The following UGT1A10 variants were observed in gnomAD, a reference collection of about 807,000 sequenced individuals.
UGT1A10 encodes the protein UDP-glucuronosyltransferase 1A10.
Under a neutral mutation model 45.8 loss-of-function variants are expected in UGT1A10, and 49 were observed. That is an observed-to-expected ratio of 1.07 (90% CI 0.85 to 1.36). The LOEUF (loss-of-function observed/expected upper bound fraction) is 1.36, where lower values mean the gene tolerates loss of function less well. Among genes scored for constraint, UGT1A10 ranks in the 40% most tolerant of loss-of-function variants. The pLI, the probability that UGT1A10 is intolerant of heterozygous loss-of-function variation, is 0.00. For synonymous variants in UGT1A10, 284 were observed against 249.7 expected, an observed-to-expected ratio of 1.14 and a Z score of -1.29; for missense variants, 745 against 668.6, an observed-to-expected ratio of 1.11 and a Z score of -1.26.
intron 1 of UGT1A10, chr2:233,729,375 G>C: frequency 6.2e-7 from 1 of 1,614,010 alleles, no homozygotes; most frequent in Non-Finnish European, 8.5e-7. Context: ...ATGCCATTTC[G>C]TGGACCCAGG....
chr2:233,735,275 T>G (rs968370538), intron 1 of UGT1A10, among the ~76,000 whole-genome samples: 2 of 152,218 alleles, frequency 1.3e-5, no homozygotes, highest in Non-Finnish European at 2.9e-5. Context: ...GTAATGGCCT[T>G]CTTTGTCTCT....
At chr2:233,652,783 GATGCACCCTTAT>G (rs2125478187) in intron 1 of UGT1A10, among the ~76,000 whole-genome samples, 1 of 152,298 alleles carries the variant, frequency 6.6e-6, no homozygotes, top group South Asian at 2.1e-4. Context: ...AAAGAATGAA[GATGCACCCTTAT>G]ATGCAAAAAC....
chr2:233,704,584 A>G (rs1284227001), intron 1 of UGT1A10, among the ~76,000 whole-genome samples: 1 of 152,162 alleles, frequency 6.6e-6, no homozygotes, highest in Non-Finnish European at 1.5e-5. Context: ...CAAGAATCAG[A>G]GAGAAGAAAG....
intron 1 of UGT1A10, chr2:233,682,690 G>T: frequency 3.1e-6 from 5 of 1,613,814 alleles, no homozygotes; most frequent in Non-Finnish European, 4.2e-6. Context: ...CATCAATTTG[G>T]TTGTTGCGAA....
chr2:233,767,858 CG>C lies in UGT1A10; in HGVS notation c.999del (p.Tyr334ThrfsTer29). The C allele has an allele frequency of 6.2e-7, 1 of 1,614,120 alleles. No individual in the cohort carries two copies. Among genetic ancestry groups the C allele is most frequent in the South Asian group, 1.1e-5 (1 of 91,080 alleles). On this transcript the variant is annotated frameshift_variant, in exon 3 of 5. Coordinates refer to ENST00000344644, the MANE Select transcript of UGT1A10 (RefSeq NM_019075.4). LOFTEE classifies it high-confidence loss of function. ...LGKIPQTVLW[R>X]YTGTRPSNLA... The stretch of plus-strand genomic sequence containing the variant: ...TTTTTGCCCCTCCCAGGTCCTGTGG[CG>C]GTACACTGGAACCCGACCATCGAAT...
chr2:233,746,991 T>G (rs560743202), intron 1 of UGT1A10, among the ~76,000 whole-genome samples: 1 of 151,932 alleles, frequency 6.6e-6, no homozygotes, highest in Non-Finnish European at 1.5e-5. Context: ...CAGGGTCAGA[T>G]GAGTTTTTCA....
chr2:233,681,837 A>G (rs2074541665), intron 1 of UGT1A10: 1 of 1,517,744 alleles, frequency 6.6e-7, no homozygotes, highest in African/African-American at 1.4e-5. Flanking sequence ...ATGAATAAGT[A>G]CACGCCTTCT....
At position 233,637,346 on chromosome 2, in the gene UGT1A10, T is replaced by A. The variant is rs2073324630; in HGVS notation, c.824T>A (p.Ile275Asn). ...VMPNMIFIGG[I>N]NCHQGKPLPM... Reference sequence around the variant, plus strand: ...CCCAACATGATCTTCATTGGTGGTATCAACTGTCATCAGGGAAAGCCATTG... The same window carrying A: ...CCCAACATGATCTTCATTGGTGGTAACAACTGTCATCAGGGAAAGCCATTG... Residue 275 changes from isoleucine (I) to asparagine (N), a missense_variant, in exon 1 of 5, where the codon ATC becomes AAC. Transcript: ENST00000344644. 2 of 1,613,834 alleles carry A rather than the reference T, an allele frequency of 1.2e-6. No individual in the cohort carries two copies. Among genetic ancestry groups the A allele is most frequent in the South Asian group, 2.2e-5 (2 of 91,056 alleles).
chr2:233,715,564 G>T (rs1223730449), intron 1 of UGT1A10, among the ~76,000 whole-genome samples: 1 of 152,032 alleles, frequency 6.6e-6, no homozygotes, highest in African/African-American at 2.4e-5. Context: ...TTGAGCCCAG[G>T]AGTCTGAGAG....
At chr2:233,729,310 A>G (rs771983234) in intron 1 of UGT1A10, 1 of 1,614,266 alleles carries the variant, frequency 6.2e-7, no homozygotes, top group Non-Finnish European at 8.5e-7. Flanking sequence ...AGTGGTCCTC[A>G]CCCCAGAGGT....
intron 1 of UGT1A10, among the ~76,000 whole-genome samples, chr2:233,688,000 T>C (rs2074873432): frequency 6.6e-6 from 1 of 152,242 alleles, no homozygotes; most frequent in South Asian, 2.1e-4. Flanking sequence ...TTCTGTGTGC[T>C]CCCAGATACA....
chr2:233,761,060 G>A, intron 1 of UGT1A10: 1 of 1,614,212 alleles, frequency 6.2e-7, no homozygotes, highest in Non-Finnish European at 8.5e-7. Flanking sequence ...CTGTTTAGAA[G>A]TGACTTTGTG....
chr2:233,654,205 GA>G (rs1234942603), intron 1 of UGT1A10, among the ~76,000 whole-genome samples: 1 of 152,102 alleles, frequency 6.6e-6, no homozygotes, highest in Admixed American at 6.6e-5. Context: ...AGAAAAAAAG[GA>G]AAAAAACCTC....
chr2:233,709,268 G>A (rs188103798), intron 1 of UGT1A10, among the ~76,000 whole-genome samples: 212 of 152,234 alleles, frequency 1.4e-3, no homozygotes, highest in Middle Eastern at 0.01. Flanking sequence ...ACTTGTCCAC[G>A]CTGTGAATTA....
At position 233,769,777 on chromosome 2, in the gene UGT1A10, C is replaced by G. The variant is rs1699936976; in HGVS notation, c.1295+1338C>G. 7.3e-7 allele frequency: 1 copy of G among 1,373,454 alleles called. No homozygotes were observed. The highest frequency in any genetic ancestry group is 2.6e-5 in the East Asian group (1 of 38,744). 85.1% of individuals were successfully genotyped at this position (1,373,454 alleles called of 1,614,324 possible). ...GGCTAAGGCGGGAGGATTGCTTGAG[C>G]CCAGAAGTTGGAGGCTGCTATGAGC... On this transcript the variant is annotated intron_variant, in intron 4 of 4. Coordinates refer to ENST00000344644, the MANE Select transcript of UGT1A10 (RefSeq NM_019075.4). The surrounding 1 kb of genome is among the most constrained non-coding windows in gnomAD (Gnocchi z 4.4).
At chr2:233,657,527 T>C (rs1245299080) in intron 1 of UGT1A10, among the ~76,000 whole-genome samples, 1 of 152,110 alleles carries the variant, frequency 6.6e-6, no homozygotes, top group East Asian at 1.9e-4. Context: ...AACTCACCCA[T>C]TATCGGGAAA....
At chr2:233,734,582 T>C (rs1259652945) in intron 1 of UGT1A10, among the ~76,000 whole-genome samples, 1 of 152,210 alleles carries the variant, frequency 6.6e-6, no homozygotes, top group African/African-American at 2.4e-5. Context: ...CTCTTGCTTA[T>C]CTAGTTCTTT....
At chr2:233,694,043 A>G (rs1023818564) in intron 1 of UGT1A10, among the ~76,000 whole-genome samples, 3 of 152,228 alleles carry the variant, frequency 2.0e-5, no homozygotes, top group African/African-American at 7.2e-5. Context: ...GAAGTGATAC[A>G]GAGGCATTCG....
intron 1 of UGT1A10, chr2:233,713,829 A>G (rs1484751529): frequency 1.2e-6 from 2 of 1,613,982 alleles, no homozygotes; most frequent in African/African-American, 2.7e-5. Context: ...TGGGGGCATC[A>G]ACTGTGCCAA....
Sources: allele counts gnomAD v4.1 joint callset (sites outside exome capture counted in the v4.1 genomes callset), GRCh38; gene constraint gnomAD v4.1.1; non-coding constraint Gnocchi (gnomAD v3.1); transcripts MANE v1.5; gene names NCBI Gene and HGNC (gene_info 2026-07-23, HGNC 2026-07-21).